Variants in PCOLCE2 observed in about 807,000 individuals in gnomAD.
The protein encoded by PCOLCE2 is procollagen C-endopeptidase enhancer 2.
In PCOLCE2, 42 loss-of-function variants were observed where a neutral mutation model predicts 47.0. That is an observed-to-expected ratio of 0.89 (90% CI 0.70 to 1.16). The LOEUF (loss-of-function observed/expected upper bound fraction) is 1.16. PCOLCE2 is among the 50% of genes most tolerant of loss of function. PCOLCE2 has a pLI of 0.00. For synonymous variants in PCOLCE2, 169 were observed against 191.7 expected (o/e 0.88, Z 0.98); for missense variants, 500 against 526.1 (o/e 0.95, Z 0.49).
intron 2 of PCOLCE2, among the ~76,000 whole-genome samples, chr3:142,866,840 C>T: frequency 6.6e-6 from 1 of 152,178 alleles, no homozygotes; most frequent in Admixed American, 6.5e-5. Context: ...AAAAACCAGA[C>T]CTGCAAGCAT....
chr3:142,887,251 T>C (rs1933735218), intron 2 of PCOLCE2: 1 of 153,544 alleles, frequency 6.5e-6, no homozygotes, highest in Non-Finnish European at 1.4e-5. Flanking sequence ...TTTCCTTTCC[T>C]AATGAGCATA....
At chr3:142,859,211 C>T (rs1326455403) in intron 2 of PCOLCE2, among the ~76,000 whole-genome samples, 33 of 151,882 alleles carry the variant, frequency 2.2e-4, no homozygotes. Context: ...TACAGGTGCC[C>T]ACTATCATGA....
intron 2 of PCOLCE2, among the ~76,000 whole-genome samples, chr3:142,855,647 T>C (rs1222277246): frequency 5.3e-5 from 8 of 152,176 alleles, no homozygotes; most frequent in African/African-American, 1.7e-4. Flanking sequence ...GCAGTTAAGT[T>C]GGGGCCATGA....
chr3:142,869,799 C>T (rs1227496128), intron 2 of PCOLCE2, among the ~76,000 whole-genome samples: 10 of 152,216 alleles, frequency 6.6e-5, no homozygotes, highest in Non-Finnish European at 2.9e-5. Context: ...CCAATGTACA[C>T]CTTACATGTA....
chr3:142,846,407 C>G (rs1427215391), intron 3 of PCOLCE2, among the ~76,000 whole-genome samples: 1 of 152,136 alleles, frequency 6.6e-6, no homozygotes, highest in African/African-American at 2.4e-5. Flanking sequence ...ACCATGTTGG[C>G]CAGGCTGGTC....
intron 5 of PCOLCE2, among the ~76,000 whole-genome samples, chr3:142,835,516 A>T (rs11708801): frequency 0.39 from 58,784 of 151,658 alleles, 11,766 homozygotes; most frequent in Non-Finnish European, 0.42. Flanking sequence ...GATTTTGTTT[A>T]ATTATTTAGT....
intron 4 of PCOLCE2, among the ~76,000 whole-genome samples, chr3:142,840,726 C>T (rs1937254956): frequency 6.6e-6 from 1 of 152,156 alleles, no homozygotes; most frequent in African/African-American, 2.4e-5. Flanking sequence ...TTACCACTTA[C>T]TAATAAAATG....
chr3:142,837,665 T>C (rs148445184), intron 5 of PCOLCE2, among the ~76,000 whole-genome samples: 188 of 152,346 alleles, frequency 1.2e-3, no homozygotes, highest in African/African-American at 4.2e-3. Flanking sequence ...TAAGTGAAGT[T>C]ATGAAATATC....
At chr3:142,845,179 C>G (rs1046566050) in intron 3 of PCOLCE2, among the ~76,000 whole-genome samples, 1 of 151,984 alleles carries the variant, frequency 6.6e-6, no homozygotes, top group Non-Finnish European at 1.5e-5. Context: ...CTATTTTAAT[C>G]TTTTGGCTTT....
At chr3:142,873,356 G>A (rs1335839389) in intron 2 of PCOLCE2, among the ~76,000 whole-genome samples, 1 of 146,700 alleles carries the variant, frequency 6.8e-6, no homozygotes, top group Admixed American at 6.9e-5. Context: ...TCGCACCATT[G>A]CACTCCAGCC....
At chr3:142,827,113 G>A in intron 6 of PCOLCE2, 2 of 1,443,400 alleles carry the variant, frequency 1.4e-6, no homozygotes, top group Non-Finnish European at 1.9e-6. Context: ...TCTTTCTCCT[G>A]CACAGTCTTG....
At chr3:142,879,312 T>C (rs1228958956) in intron 2 of PCOLCE2, among the ~76,000 whole-genome samples, 4 of 152,148 alleles carry the variant, frequency 2.6e-5, no homozygotes, top group Non-Finnish European at 5.9e-5. Flanking sequence ...TTCTACTCAT[T>C]AAACCTCTTC....
chr3:142,888,697 G>T, intron 1 of PCOLCE2, 117 bp downstream of exon 1: 2 of 575,856 alleles, frequency 3.5e-6, no homozygotes, highest in Non-Finnish European at 5.7e-6. Context: ...GGGAGCGCAG[G>T]GTCGAGCGCT....
chr3:142,874,919 A>G lies in PCOLCE2; in HGVS notation c.192+12750T>C, dbSNP rs1329634491. ...ACTAGGGTACACAGAGGTAGTTAGG[A>G]AGACTGTCTGATAATTCCCTTCTGA... On this transcript the variant is annotated intron_variant, in intron 2 of 8. Transcript: ENST00000295992. 2.0e-5 allele frequency among the ~76,000 whole-genome samples: 3 copies of G among 152,176 alleles called. No individual in the cohort carries two copies. The East Asian group carries it at 5.8e-4, about 29-fold the overall frequency.
At chr3:142,862,197 C>T (rs1374630593) in intron 2 of PCOLCE2, among the ~76,000 whole-genome samples, 1 of 152,146 alleles carries the variant, frequency 6.6e-6, no homozygotes, top group Non-Finnish European at 1.5e-5. Flanking sequence ...TAGGGTTAAC[C>T]GCTCTTACAG....
At chr3:142,824,395 C>T (rs553153357) in intron 6 of PCOLCE2, among the ~76,000 whole-genome samples, 112 of 151,632 alleles carry the variant, frequency 7.4e-4, no homozygotes, top group African/African-American at 2.6e-3. Context: ...AGGATCTGGC[C>T]CAAAATATAA....
intron 2 of PCOLCE2, among the ~76,000 whole-genome samples, chr3:142,867,659 G>A (rs1933312169): frequency 6.6e-6 from 1 of 151,816 alleles, no homozygotes; most frequent in Non-Finnish European, 1.5e-5. Context: ...AAATCACAAC[G>A]TGATATGACT....
At chr3:142,825,323 A>C (rs1047717324) in intron 6 of PCOLCE2, among the ~76,000 whole-genome samples, 4 of 152,076 alleles carry the variant, frequency 2.6e-5, no homozygotes, top group African/African-American at 9.7e-5. Context: ...TCTGGCCTGC[A>C]AGTCACTGGC....
chr3:142,828,957 A>G lies in PCOLCE2; in HGVS notation c.865+735T>C, dbSNP rs73864458. ...GTACTCAGCCCCAGCCTAGGTGTAC[A>G]TGGAAAATGTGGGCAATAAAGCTGG... On this transcript the variant is annotated intron_variant, in intron 6 of 8. Coordinates refer to ENST00000295992, the MANE Select transcript of PCOLCE2 (RefSeq NM_013363.4). Among the ~76,000 whole-genome samples the G allele has an allele frequency of 2.6e-3, 391 of 152,352 alleles. 3 individuals are homozygous for G. The highest frequency in any genetic ancestry group is 9.2e-3 in the African/African-American group (382 of 41,584).
Sources: gnomAD v4.1 joint callset for allele counts (sites outside exome capture counted in the v4.1 genomes callset) on GRCh38, gnomAD v4.1.1 for gene constraint, MANE v1.5 for transcripts, NCBI Gene and HGNC (gene_info 2026-07-23, HGNC 2026-07-21) for gene names.